Variants in CDH4 observed in about 807,000 individuals in gnomAD.
The protein encoded by CDH4 is cadherin 4.
In CDH4, 33 loss-of-function variants were observed where a neutral mutation model predicts 86.0. The ratio of observed to expected loss-of-function variants is 0.38; its 90% CI spans 0.29 to 0.51. CDH4 has a LOEUF of 0.51. Among genes scored for constraint, CDH4 ranks in the 20% least tolerant of loss-of-function variants. The pLI, the probability that CDH4 is intolerant of heterozygous loss-of-function variation, is 0.86. For synonymous variants in CDH4, 555 were observed against 549.4 expected (o/e 1.01, Z -0.14); for missense variants, 1,114 against 1,307.4 (o/e 0.85, Z 2.28).
At chr20:61,546,319 G>GGT (rs1168021241) in intron 2 of CDH4, among the ~76,000 whole-genome samples, 4 of 148,700 alleles carry the variant, frequency 2.7e-5, no homozygotes, top group Non-Finnish European at 6.0e-5. Flanking sequence ...TGTGTGCAGA[G>GGT]GTGTGTGTGT....
At chr20:61,788,916 T>G (rs1979019850) in intron 4 of CDH4, among the ~76,000 whole-genome samples, 1 of 152,202 alleles carries the variant, frequency 6.6e-6, no homozygotes, top group South Asian at 2.1e-4. Flanking sequence ...AAATGCTGCT[T>G]CAGTTTCCAC....
At chr20:61,489,867 A>G (rs1235886741) in intron 2 of CDH4, among the ~76,000 whole-genome samples, 1 of 152,218 alleles carries the variant, frequency 6.6e-6, no homozygotes, top group African/African-American at 2.4e-5. Context: ...AAGTACTTCT[A>G]CATCAGCATT....
intron 4 of CDH4, among the ~76,000 whole-genome samples, chr20:61,839,888 GTGTA>G (rs1255748009): frequency 4.0e-5 from 6 of 151,684 alleles, no homozygotes; most frequent in African/African-American, 7.3e-5. Context: ...TGTGGTGTGT[GTGTA>G]TGTGTGTACT....
intron 2 of CDH4, among the ~76,000 whole-genome samples, chr20:61,318,864 G>C (rs2084492483): frequency 6.6e-6 from 1 of 152,180 alleles, no homozygotes; most frequent in Non-Finnish European, 1.5e-5. Flanking sequence ...CAAATGCCCA[G>C]TCACCCTCTC....
chr20:61,295,869 G>A (rs2084349131), intron 2 of CDH4, among the ~76,000 whole-genome samples: 1 of 152,252 alleles, frequency 6.6e-6, no homozygotes, highest in East Asian at 1.9e-4. Context: ...CCGGCCGGAA[G>A]CAGCTGCCTC....
intron 9 of CDH4, among the ~76,000 whole-genome samples, chr20:61,914,878 G>A (rs2054888450): frequency 6.6e-6 from 1 of 152,182 alleles, no homozygotes. Flanking sequence ...TGCTGCATGT[G>A]CCTGGAGGGC....
chr20:61,719,230 A>T, intron 2 of CDH4: 1 of 410,338 alleles, frequency 2.4e-6, no homozygotes, highest in Non-Finnish European at 5.0e-6. Flanking sequence ...TTCATTGCTA[A>T]TACAGAGAAG....
At chr20:61,508,604 C>T (rs1023199520) in intron 2 of CDH4, among the ~76,000 whole-genome samples, 1 of 152,346 alleles carries the variant, frequency 6.6e-6, no homozygotes, top group African/African-American at 2.4e-5. Flanking sequence ...GGCATGTGTT[C>T]AGGAGGACCT....
intron 2 of CDH4, among the ~76,000 whole-genome samples, chr20:61,374,523 A>G (rs1250817612): frequency 4.6e-5 from 7 of 152,214 alleles, no homozygotes; most frequent in Non-Finnish European, 1.0e-4. Context: ...TACCTGGACA[A>G]CAGTTTCCTC....
chr20:61,389,579 A>C (rs2084969820), intron 2 of CDH4, among the ~76,000 whole-genome samples: 1 of 152,230 alleles, frequency 6.6e-6, no homozygotes, highest in Non-Finnish European at 1.5e-5. Flanking sequence ...AGGATAGAGA[A>C]AAGACTGGGA....
intron 3 of CDH4, among the ~76,000 whole-genome samples, chr20:61,759,508 C>T (rs1228393800): frequency 6.6e-6 from 1 of 152,200 alleles, no homozygotes; most frequent in East Asian, 1.9e-4. Flanking sequence ...TATCGCGGTC[C>T]TCACCAACGT....
At chr20:61,318,032 G>C (rs1394666448) in intron 2 of CDH4, among the ~76,000 whole-genome samples, 1 of 152,204 alleles carries the variant, frequency 6.6e-6, no homozygotes, top group Non-Finnish European at 1.5e-5. Flanking sequence ...GACCCAGAGA[G>C]ACTAAAGGGC....
At chr20:61,909,165 C>A (rs542430974) in intron 8 of CDH4, among the ~76,000 whole-genome samples, 3 of 152,228 alleles carry the variant, frequency 2.0e-5, no homozygotes, top group African/African-American at 7.2e-5. Flanking sequence ...CGGGGACACT[C>A]CCGGTGGAAG....
chr20:61,348,443 C>T (rs1024093853), intron 2 of CDH4, among the ~76,000 whole-genome samples: 2 of 152,160 alleles, frequency 1.3e-5, no homozygotes, highest in Non-Finnish European at 2.9e-5. Flanking sequence ...TGGCTGGGGA[C>T]ATAGCCAGAC....
intron 2 of CDH4, among the ~76,000 whole-genome samples, chr20:61,520,433 G>A (rs1313847874): frequency 6.6e-6 from 1 of 152,196 alleles, no homozygotes; most frequent in Non-Finnish European, 1.5e-5. Context: ...GTGCCTCAGT[G>A]TCCTCATCTG....
intron 2 of CDH4, among the ~76,000 whole-genome samples, chr20:61,261,569 G>A (rs918800998): frequency 5.3e-5 from 8 of 152,248 alleles, no homozygotes; most frequent in East Asian, 1.9e-4. Context: ...ACTGATGATC[G>A]GTGAGTTCTG....
chr20:61,345,973 G>A lies in CDH4; in HGVS notation c.169+91036G>A, dbSNP rs78848904. On this transcript the variant is annotated intron_variant, in intron 2 of 15. Transcript: ENST00000614565. ...TATTTTGTAAGCATTCTGGCAGCAC[G>A]TTCTCCCTTCCTCATGCGGGTGGCA... Among the ~76,000 whole-genome samples, 491 of 152,332 alleles carry A rather than the reference G, an allele frequency of 3.2e-3. 3 individuals are homozygous for A. The highest frequency in any genetic ancestry group is 0.01 in the Middle Eastern group (3 of 294).
chr20:61,872,020 G>A (rs1351915136), intron 6 of CDH4, among the ~76,000 whole-genome samples: 1 of 152,218 alleles, frequency 6.6e-6, no homozygotes, highest in African/African-American at 2.4e-5. Flanking sequence ...GGGCTGCAGA[G>A]GGAGGGCGAG....
At position 61,383,116 on chromosome 20, in the gene CDH4, AATATATATGAATATATT is replaced by A. The variant is rs1201988301; in HGVS notation, c.169+128196_169+128212del. Among the ~76,000 whole-genome samples, 50 of 83,630 alleles carry A rather than the reference AATATATATGAATATATT, an allele frequency of 6.0e-4. 4 individuals are homozygous for A. Among genetic ancestry groups the A allele is most frequent in the African/African-American group, 2.1e-3 (38 of 18,516 alleles). The allele number at this position is 83,630 out of a possible 152,430, so 54.9% of individuals were successfully genotyped here. A position where few individuals can be genotyped will look rare whatever the true frequency, so the allele number is the denominator to read the frequency against. ...ATATATATGAATATATTATATATAG[AATATATATGAATATATT>A]ATATATATGAATATATATGAATATA... On this transcript the variant is annotated intron_variant, in intron 2 of 15. Coordinates refer to ENST00000614565, the MANE Select transcript of CDH4 (RefSeq NM_001794.5).
Sources: allele counts gnomAD v4.1 joint callset (sites outside exome capture counted in the v4.1 genomes callset), GRCh38; gene constraint gnomAD v4.1.1; transcripts MANE v1.5; gene names NCBI Gene and HGNC (gene_info 2026-07-23, HGNC 2026-07-21).